Variants in EIF3D observed in about 807,000 individuals in gnomAD.
The protein encoded by EIF3D is eIF3 p66.
In EIF3D, 10 loss-of-function variants were observed where a neutral mutation model predicts 75.4. That is an observed-to-expected ratio of 0.13 (90% confidence interval 0.08 to 0.22). The LOEUF is 0.22. Ranked by LOEUF, EIF3D falls within the 10% of genes least tolerant of loss-of-function variation. The pLI is 1.00. For synonymous variants in EIF3D, 246 were observed against 248.3 expected, an observed-to-expected ratio of 0.99 and a Z score of 0.09; for missense variants, 394 against 708.0, an observed-to-expected ratio of 0.56 and a Z score of 5.03.
intron 4 of EIF3D, 131 bp downstream of exon 4, chr22:36,524,465 G>A: frequency 3.1e-6 from 4 of 1,309,030 alleles, no homozygotes; most frequent in Non-Finnish European, 4.2e-6. Context: ...ATGGAACGGT[G>A]ACCCGAGATT....
chr22:36,516,323 G>A (rs2145871202), intron 12 of EIF3D, 155 bp downstream of exon 12: 1 of 852,620 alleles, frequency 1.2e-6, no homozygotes, highest in East Asian at 2.6e-5. Flanking sequence ...ACTAAGCAGA[G>A]GAAAAAACTC....
Position 36,519,388 on chromosome 22 carries a change from CAGA to C in EIF3D, c.711+14_711+16del, listed in dbSNP as rs1192568890. ...GCATTCCTAACAAGGGGGAGAGGGG[CAGA>C]AGGAGGCGCACACCTTGCGGATGAC... On this transcript the variant is annotated intron_variant, in intron 8 of 14. Transcript: ENST00000216190. The C allele has an allele frequency of 6.2e-7, 1 of 1,613,662 alleles. No individual in the cohort carries two copies. The highest frequency in any genetic ancestry group is 1.3e-5 in the African/African-American group (1 of 74,896).
At chr22:36,520,548 G>A (rs966877858) in intron 7 of EIF3D, 28 bp downstream of exon 7, 2 of 1,507,948 alleles carry the variant, frequency 1.3e-6, no homozygotes, top group Non-Finnish European at 1.8e-6. Context: ...TAAGAGCAGT[G>A]TAGAAAGTAG....
Position 36,510,868 on chromosome 22 carries a change from G to A in EIF3D, c.*119C>T, listed in dbSNP as rs540031888. 13 of 1,239,678 alleles carry A rather than the reference G, an allele frequency of 1.0e-5. No homozygotes were observed. Among genetic ancestry groups the A allele is most frequent in the Non-Finnish European group, 1.3e-5 (12 of 903,380 alleles). The allele number at this position is 1,239,678 out of a possible 1,614,324, so 76.8% of individuals were successfully genotyped here. On this transcript the variant is annotated 3_prime_UTR_variant, in exon 15 of 15. Coordinates refer to ENST00000216190, the MANE Select transcript of EIF3D (RefSeq NM_003753.4). ...CAGACGATGAGGGAAAGACTAAACA[G>A]ATATATATTTTATTTCATCTGCTAA...
At chr22:36,521,394 CTCTCGGGTTA>C (rs1012912399) in intron 6 of EIF3D, among the ~76,000 whole-genome samples, 2 of 152,166 alleles carry the variant, frequency 1.3e-5, no homozygotes, top group African/African-American at 2.4e-5. Context: ...CTTTATATTT[CTCTCGGGTTA>C]TTAACTATTC....
rs754265108 is a variant in EIF3D, at chr22:36,511,798, A to G, written c.1350-12T>C. On this transcript the variant is annotated splice_polypyrimidine_tract_variant and intron_variant, in intron 13 of 14. Coordinates refer to ENST00000216190, the MANE Select transcript of EIF3D (RefSeq NM_003753.4). ...ACCGAGACACATAACTAACAGGGGAAGGGATATCAGTGGTCAGAGCAGGGC... is the reference window on the plus strand; with the variant it reads ...ACCGAGACACATAACTAACAGGGGAGGGGATATCAGTGGTCAGAGCAGGGC... 5 of 1,609,598 alleles carry G rather than the reference A, an allele frequency of 3.1e-6. No homozygotes were observed. The highest frequency in any genetic ancestry group is 3.3e-5 in the Admixed American group (2 of 59,806).
At chr22:36,525,890 C>T in intron 2 of EIF3D, 109 bp downstream of exon 2, 1 of 1,502,570 alleles carries the variant, frequency 6.7e-7, no homozygotes, top group East Asian at 2.3e-5. Flanking sequence ...AGCTGGCATC[C>T]CTATAAGAAA....
chr22:36,528,955 G>A (rs907533991), intron 1 of EIF3D, 121 bp downstream of exon 1: 1 of 242,476 alleles, frequency 4.1e-6, no homozygotes, highest in African/African-American at 2.2e-5. Flanking sequence ...CCCGCCCAGC[G>A]GAGGGACGGC....
intron 13 of EIF3D, 97 bp downstream of exon 13, chr22:36,512,363 G>A: frequency 6.6e-7 from 1 of 1,512,834 alleles, no homozygotes; most frequent in South Asian, 1.2e-5. Flanking sequence ...ATCTCTGCCA[G>A]TCAATTGTCC....
At position 36,522,954 on chromosome 22, in the gene EIF3D, T is replaced by C. The variant is rs186540629; in HGVS notation, c.465+255A>G. 1.8e-3 allele frequency among the ~76,000 whole-genome samples: 268 copies of C among 152,288 alleles called. 2 individuals carry two copies. Among genetic ancestry groups the C allele is most frequent in the African/African-American group, 6.1e-3 (254 of 41,554 alleles). On this transcript the variant is annotated intron_variant, in intron 6 of 14. Transcript: ENST00000216190. ...GAACCATGAGCTAAAGAAACCGCTT[T>C]ATAACTTACCCACTCTCAGGTATTC...
rs202030300 is a variant in EIF3D at position 36,511,669 on chromosome 22, G to C, written c.1467C>G (p.Gly489=). 6.2e-7 allele frequency: 1 copy of C among 1,614,126 alleles called. No homozygotes were observed. Among genetic ancestry groups the C allele is most frequent in the Non-Finnish European group, 8.5e-7 (1 of 1,180,024 alleles). The change falls in exon 14 of 15, where the codon GGC becomes GGG. Residue 489 remains glycine, a synonymous_variant. Coordinates refer to ENST00000216190, the MANE Select transcript of EIF3D (RefSeq NM_003753.4). ...QINLSVENAW[G]ILRCVIDICM... ...AGATGTCAATGACGCAGCGTAAAAT[G>C]CCCCAGGCATTCTCCACGCTCAGGT... is the stretch of plus-strand genomic sequence containing the variant.
Position 36,518,781 on chromosome 22 carries a change from T to G in EIF3D, c.841A>C (p.Arg281=). The part of the protein sequence containing the change: ...RVGSKLFFDK[R]DNSDFDLLTV... ...TTCTTACCAAAGTCAGAGTTGTCTC[T>G]CTTGTCAAAGAAGAGTTTGGACCCA... Residue 281 remains arginine (R), a synonymous_variant, in exon 9 of 15, where the codon AGA becomes CGA. Transcript: ENST00000216190. The G allele has an allele frequency of 6.2e-7, 1 of 1,614,202 alleles. No homozygotes were observed.
intron 6 of EIF3D, among the ~76,000 whole-genome samples, chr22:36,522,868 T>A (rs1376580799): frequency 6.6e-6 from 1 of 152,234 alleles, no homozygotes; most frequent in Non-Finnish European, 1.5e-5. Flanking sequence ...TCTGCCATGC[T>A]ATCAAGCAGC....
chr22:36,525,560 G>T, intron 3 of EIF3D, 104 bp downstream of exon 3: 2 of 1,242,006 alleles, frequency 1.6e-6, no homozygotes, highest in Non-Finnish European at 2.3e-6. Flanking sequence ...AATTATTGTT[G>T]GCAGTTTCTT....
intron 6 of EIF3D, among the ~76,000 whole-genome samples, chr22:36,522,944 G>T (rs1934537554): frequency 1.3e-5 from 2 of 152,186 alleles, no homozygotes; most frequent in Non-Finnish European, 2.9e-5. Flanking sequence ...ATGAGCTAAA[G>T]AAACCGCTTT....
intron 6 of EIF3D, among the ~76,000 whole-genome samples, chr22:36,521,700 G>A (rs918993021): frequency 1.5e-4 from 23 of 151,500 alleles, no homozygotes; most frequent in Middle Eastern, 3.2e-3. Context: ...GCTGAGGTGG[G>A]TGGATCATCT....
At position 36,518,731 on chromosome 22, in the gene EIF3D, C is replaced by A. The variant is rs771810718; in HGVS notation, c.859+32G>T. 6.2e-6 allele frequency: 10 copies of A among 1,611,644 alleles called. No homozygotes were observed. The African/African-American group carries it at 8.0e-5, about 13-fold the overall frequency. On this transcript the variant is annotated intron_variant, in intron 9 of 14. Coordinates refer to ENST00000216190, the MANE Select transcript of EIF3D (RefSeq NM_003753.4). Reference sequence around the variant, plus strand: ...TCTGTACCAACAAAAATACTCAATGCCTTTGAGTTGCTCCCCAGGCACGCT... The same window carrying A: ...TCTGTACCAACAAAAATACTCAATGACTTTGAGTTGCTCCCCAGGCACGCT...
chr22:36,525,781 G>C (rs1603499084), intron 2 of EIF3D, 72 bp from the exon 3 acceptor site: 1 of 1,573,896 alleles, frequency 6.4e-7, no homozygotes, highest in Non-Finnish European at 8.7e-7. Flanking sequence ...AGAAATCCCT[G>C]AGCGCGAGAG....
intron 4 of EIF3D, among the ~76,000 whole-genome samples, 158 bp downstream of exon 4, chr22:36,524,438 C>T (rs1334505873): frequency 6.6e-6 from 1 of 152,154 alleles, no homozygotes; most frequent in African/African-American, 2.4e-5. Context: ...TGCAAGTTCA[C>T]CTTGGTACCA....
Sources: gnomAD v4.1 joint callset for allele counts (sites outside exome capture counted in the v4.1 genomes callset) on GRCh38, gnomAD v4.1.1 for gene constraint, MANE v1.5 for transcripts, NCBI Gene and HGNC (gene_info 2026-07-23, HGNC 2026-07-21) for gene names.